The following IL7 variants were observed in gnomAD, a reference collection of about 807,000 sequenced individuals.
The protein encoded by IL7 is interleukin 7, also known as interleukin-7.
Under a neutral mutation model 21.6 loss-of-function variants are expected in IL7, and 3 were observed. The ratio of observed to expected loss-of-function variants is 0.14; its 90% CI spans 0.06 to 0.36. The LOEUF is 0.36. IL7 is among the 10% of genes least tolerant of loss of function. The probability of loss-of-function intolerance (pLI) is 1.00; values close to 1 mark genes in which losing one functional copy is unlikely to be tolerated. For synonymous variants in IL7, 62 were observed against 68.1 expected, an observed-to-expected ratio of 0.91 and a Z score of 0.44; for missense variants, 175 against 200.2, an observed-to-expected ratio of 0.87 and a Z score of 0.76.
downstream of IL7, chr8:78,675,609 C>T (rs2130429635): frequency 5.6e-6 from 3 of 532,272 alleles, no homozygotes; most frequent in Non-Finnish European, 9.8e-6. Flanking sequence ...CCTTTTTCAC[C>T]ACTGATAACT....
At chr8:78,803,373 C>A (rs772585781) in intron 1 of IL7, among the ~76,000 whole-genome samples, 39 of 152,200 alleles carry the variant, frequency 2.6e-4, no homozygotes, top group Middle Eastern at 3.4e-3. Flanking sequence ...CAGTTGGAGA[C>A]CACATAGTAG....
intron 2 of IL7, among the ~76,000 whole-genome samples, chr8:78,747,275 T>C (rs559893709): frequency 7.0e-6 from 1 of 143,260 alleles, no homozygotes; most frequent in South Asian, 2.2e-4. Flanking sequence ...AACCTCTGCC[T>C]CCTGGGTTCA....
At chr8:78,679,829 T>A (rs1162763009) in intron 4 of IL7, among the ~76,000 whole-genome samples, 1 of 152,212 alleles carries the variant, frequency 6.6e-6, no homozygotes, top group East Asian at 1.9e-4. Flanking sequence ...TGTTTTTTAC[T>A]GTGAACATTT....
At chr8:78,795,048 C>T (rs567290693) in intron 2 of IL7, among the ~76,000 whole-genome samples, 5 of 152,008 alleles carry the variant, frequency 3.3e-5, no homozygotes, top group African/African-American at 4.8e-5. Context: ...GATTCTGGCT[C>T]GGTCACTTAT....
intron 5 of IL7, 34 bp from the exon 6 acceptor site, chr8:78,733,866 C>G (rs1348056555): frequency 7.5e-7 from 1 of 1,339,672 alleles, no homozygotes; most frequent in Non-Finnish European, 1.0e-6. Flanking sequence ...TTAAACTTCA[C>G]ATTTTTACAA....
Position 78,733,619 on chromosome 8 carries a change from T to A in IL7, c.*94A>T. 1 of 1,347,082 alleles carries A rather than the reference T, an allele frequency of 7.4e-7. No individual in the cohort carries two copies. The highest frequency in any genetic ancestry group is 1.0e-6 in the Non-Finnish European group (1 of 980,642). 83.4% of individuals were successfully genotyped at this position (1,347,082 alleles called of 1,614,324 possible). A position where few individuals can be genotyped will look rare whatever the true frequency, so the allele number is the denominator to read the frequency against. ...TGACCATGGTGCATTCAGTAACTTCTAGGAAGCATTCCACTCTGAAAAACT... is the reference window on the plus strand; with the variant it reads ...TGACCATGGTGCATTCAGTAACTTCAAGGAAGCATTCCACTCTGAAAAACT... On this transcript the variant is annotated 3_prime_UTR_variant, in exon 6 of 6. Transcript: ENST00000263851.
downstream of IL7, among the ~76,000 whole-genome samples, chr8:78,716,493 A>G (rs912307300): frequency 1.3e-5 from 2 of 152,150 alleles, no homozygotes; most frequent in Non-Finnish European, 2.9e-5. Flanking sequence ...TATTTATTGC[A>G]TCACAATAAT....
intron 2 of IL7, among the ~76,000 whole-genome samples, chr8:78,796,117 C>T (rs10092013): frequency 5.3e-5 from 8 of 152,000 alleles, no homozygotes; most frequent in African/African-American, 1.9e-4. Flanking sequence ...TGATACAGCT[C>T]TGAAACCTTG....
At chr8:78,714,275 T>C (rs75447156), downstream of IL7, among the ~76,000 whole-genome samples, 1,124 of 152,260 alleles carry the variant, frequency 7.4e-3, 3 homozygotes, top group Admixed American at 0.018. Context: ...AATGGAGTTA[T>C]GAACGCTACC....
chr8:78,776,797 A>G (rs773500760), intron 2 of IL7, among the ~76,000 whole-genome samples: 1 of 151,316 alleles, frequency 6.6e-6, no homozygotes, highest in Non-Finnish European at 1.5e-5. Context: ...TAAGGAAACT[A>G]AGGCACAGAA....
chr8:78,757,220 A>G (rs1206504433), intron 2 of IL7, among the ~76,000 whole-genome samples: 1 of 151,736 alleles, frequency 6.6e-6, no homozygotes, highest in African/African-American at 2.4e-5. Flanking sequence ...TTATTGATCT[A>G]TAGTTTTATT....
chr8:78,797,904 A>T (rs1029824915), intron 2 of IL7, 168 bp downstream of exon 2: 12 of 471,680 alleles, frequency 2.5e-5, no homozygotes, highest in African/African-American at 2.2e-4. Context: ...AAGCTACATA[A>T]TTATGTCAGC....
At chr8:78,679,435 G>T (rs1027331605) in intron 4 of IL7, 1 of 152,116 alleles carries the variant, frequency 6.6e-6, no homozygotes, top group African/African-American at 2.4e-5. Context: ...ATAATTTAAT[G>T]CTATGTAAAT....
chr8:78,698,529 A>G (rs373403018), intron 3 of IL7: 8 of 1,537,970 alleles, frequency 5.2e-6, no homozygotes, highest in Admixed American at 1.9e-5. Flanking sequence ...TCTACACTGG[A>G]TATAATTATT....
chr8:78,788,657 T>G (rs1012509044), intron 2 of IL7, among the ~76,000 whole-genome samples: 4 of 152,182 alleles, frequency 2.6e-5, no homozygotes, highest in Non-Finnish European at 5.9e-5. Context: ...TGTTCAATTT[T>G]GGGGAATATT....
intron 2 of IL7, among the ~76,000 whole-genome samples, chr8:78,766,710 T>A (rs1188879347): frequency 6.6e-6 from 1 of 152,156 alleles, no homozygotes; most frequent in Non-Finnish European, 1.5e-5. Flanking sequence ...ATTCAATACT[T>A]ATTGATGAAT....
At chr8:78,721,997 G>C (rs1260664083) in intron 3 of IL7, among the ~76,000 whole-genome samples, 4 of 151,824 alleles carry the variant, frequency 2.6e-5, no homozygotes, top group Non-Finnish European at 1.5e-5. Flanking sequence ...AATAACGTTT[G>C]TATATAAAAT....
At chr8:78,713,999 G>T (rs1011273694), downstream of IL7, among the ~76,000 whole-genome samples, 2 of 152,038 alleles carry the variant, frequency 1.3e-5, no homozygotes, top group Non-Finnish European at 2.9e-5. Flanking sequence ...CAATTTTAGG[G>T]TACTCTCTCC....
intron 2 of IL7, among the ~76,000 whole-genome samples, chr8:78,765,840 T>G (rs956250370): frequency 6.6e-6 from 1 of 152,054 alleles, no homozygotes; most frequent in African/African-American, 2.4e-5. Flanking sequence ...CCCAAAGAAT[T>G]TGAAAATTTG....
Sources: allele counts gnomAD v4.1 joint callset (sites outside exome capture counted in the v4.1 genomes callset), GRCh38; gene constraint gnomAD v4.1.1; transcripts MANE v1.5; gene names NCBI Gene and HGNC (gene_info 2026-07-23, HGNC 2026-07-21).